The following GABRR3 variants were observed in gnomAD, a reference collection of about 807,000 sequenced individuals.
GABRR3 encodes the protein gamma-aminobutyric acid receptor subunit rho-3.
GABRR3 carries 29 observed loss-of-function variants against 43.2 expected under a neutral mutation model. That is an observed-to-expected ratio of 0.67 (90% CI 0.50 to 0.92). GABRR3 has a LOEUF of 0.92. Among genes scored for constraint, GABRR3 ranks in the 40% least tolerant of loss-of-function variants. The pLI is 0.00. For missense variants in GABRR3, 576 were observed against 572.3 expected, an observed-to-expected ratio of 1.01 and a Z score of -0.07; for synonymous variants, 206 against 195.9, an observed-to-expected ratio of 1.05 and a Z score of -0.43.
chr3:98,030,384 T>G (rs1017707351), intron 2 of GABRR3, among the ~76,000 whole-genome samples: 2 of 152,146 alleles, frequency 1.3e-5, no homozygotes, highest in Non-Finnish European at 2.9e-5. Context: ...TTAATTCAAA[T>G]TAATAATATG....
At chr3:97,999,294 G>A (rs1006475399) in intron 8 of GABRR3, 3 of 152,106 alleles carry the variant, frequency 2.0e-5, no homozygotes, top group African/African-American at 7.2e-5. Context: ...AGATTTAAAA[G>A]TGAGGATATT....
chr3:98,012,345 T>G, exon 5 of GABRR3: 31 of 1,611,632 alleles, frequency 1.9e-5, no homozygotes, highest in Middle Eastern at 1.7e-4. Flanking sequence ...TTTCCTTACC[T>G]GAGACTTAGG....
chr3:98,010,871 G>A (rs1004862993), intron 5 of GABRR3, among the ~76,000 whole-genome samples: 17 of 152,146 alleles, frequency 1.1e-4, no homozygotes, highest in African/African-American at 3.9e-4. Context: ...GGGCCGAGGC[G>A]GGCAGATCAT....
intron 8 of GABRR3, 125 bp from the exon 9 acceptor site, chr3:97,993,173 G>T (rs918657854): frequency 3.1e-6 from 2 of 641,776 alleles, no homozygotes; most frequent in Admixed American, 3.4e-5. Flanking sequence ...AGGAGGGAAG[G>T]TGTGTGCATG....
At chr3:98,026,118 C>A (rs1386934022) in intron 2 of GABRR3, among the ~76,000 whole-genome samples, 1 of 152,158 alleles carries the variant, frequency 6.6e-6, no homozygotes. Flanking sequence ...GCTGAACAAT[C>A]TCTGCACGAA....
At chr3:98,029,789 G>C (rs114602619) in intron 2 of GABRR3, among the ~76,000 whole-genome samples, 1 of 152,022 alleles carries the variant, frequency 6.6e-6, no homozygotes, top group Non-Finnish European at 1.5e-5. Flanking sequence ...ATTAGCAAAA[G>C]ACAAAAAATA....
chr3:98,019,051 A>G (rs1323344362), intron 3 of GABRR3, among the ~76,000 whole-genome samples: 1 of 151,918 alleles, frequency 6.6e-6, no homozygotes, highest in Non-Finnish European at 1.5e-5. Flanking sequence ...CAGGGGCTGC[A>G]GTGAGCTGAG....
chr3:98,022,055 C>A (rs760514374), intron 3 of GABRR3, among the ~76,000 whole-genome samples: 5 of 152,100 alleles, frequency 3.3e-5, no homozygotes, highest in Non-Finnish European at 5.9e-5. Context: ...CAGTATAGTC[C>A]TCTCCTTTGA....
At chr3:98,009,668 G>T (rs1706763993) in intron 5 of GABRR3, among the ~76,000 whole-genome samples, 1 of 152,140 alleles carries the variant, frequency 6.6e-6, no homozygotes, top group South Asian at 2.1e-4. Context: ...GCTGTACTAT[G>T]ATCTTGCCTC....
chr3:98,005,983 C>T lies in GABRR3; in HGVS notation c.754+1781G>A, dbSNP rs139300606. Among the ~76,000 whole-genome samples, 10 of 152,032 alleles carry T rather than the reference C, an allele frequency of 6.6e-5. No homozygotes were observed. The East Asian group carries it at 1.9e-3, about 29-fold the overall frequency. On this transcript the variant is annotated intron_variant, in intron 7 of 9. Transcript: ENST00000621172. The stretch of plus-strand genomic sequence containing the variant: ...AACACATCCTATAAATTATACTTCA[C>T]ATATACCATGCTTCATTGCATACAT...
rs184230596 is a variant in GABRR3, at chr3:98,021,363, T to G, written c.239-3641A>C. On this transcript the variant is annotated intron_variant, in intron 3 of 9. Coordinates refer to ENST00000621172, the Ensembl canonical transcript of GABRR3. Reference sequence around the variant, plus strand: ...TACAAAAAAGGAGCTGAGTCACAGATAGAAGGTGGCAATAAAGCATATGGA... The same window carrying G: ...TACAAAAAAGGAGCTGAGTCACAGAGAGAAGGTGGCAATAAAGCATATGGA... 4.5e-3 allele frequency among the ~76,000 whole-genome samples: 683 copies of G among 152,300 alleles called. 6 individuals are homozygous for G. Among genetic ancestry groups the G allele is most frequent in the African/African-American group, 0.016 (648 of 41,570 alleles).
exon 7 of GABRR3, chr3:98,007,774 A>G (rs1706740369): frequency 1.2e-6 from 2 of 1,613,702 alleles, no homozygotes; most frequent in Non-Finnish European, 1.7e-6. Context: ...CTGTGCTGCT[A>G]TAGAAAGCTA....
chr3:98,017,656 A>G (rs1359049630), exon 4 of GABRR3: 2 of 1,606,808 alleles, frequency 1.2e-6, no homozygotes, highest in East Asian at 2.2e-5. Flanking sequence ...GAAACTTACC[A>G]TGTTAGTCTC....
chr3:98,001,678 C>T (rs1421738328), exon 8 of GABRR3: 1 of 1,613,210 alleles, frequency 6.2e-7, no homozygotes, highest in East Asian at 2.2e-5. Flanking sequence ...GAAAGCATCA[C>T]CATCAATATG....
At chr3:97,991,887 G>T (rs1706473527) in intron 9 of GABRR3, among the ~76,000 whole-genome samples, 1 of 152,114 alleles carries the variant, frequency 6.6e-6, no homozygotes, top group Non-Finnish European at 1.5e-5. Context: ...TTTCATTGAA[G>T]TTATGGGTAT....
intron 8 of GABRR3, among the ~76,000 whole-genome samples, chr3:97,996,339 G>A (rs937231623): frequency 2.0e-5 from 3 of 152,152 alleles, no homozygotes; most frequent in African/African-American, 7.2e-5. Context: ...ACCAGAAACT[G>A]ACAACCATTT....
chr3:98,025,469 G>T, intron 3 of GABRR3, 98 bp downstream of exon 3: 1 of 708,084 alleles, frequency 1.4e-6, no homozygotes, highest in East Asian at 2.8e-5. Context: ...GTTTTAAACT[G>T]ATGGACTTTA....
chr3:97,992,862 T>C, exon 9 of GABRR3: 1 of 1,608,022 alleles, frequency 6.2e-7, no homozygotes, highest in Non-Finnish European at 8.5e-7. Flanking sequence ...CTTTCCTGTC[T>C]TCTTGAATTG....
At chr3:98,031,041 C>T (rs1357866822) in intron 2 of GABRR3, among the ~76,000 whole-genome samples, 2 of 152,068 alleles carry the variant, frequency 1.3e-5, no homozygotes, top group Non-Finnish European at 2.9e-5. Flanking sequence ...TTAGAGAAAA[C>T]GTGGTACATC....
Sources: gnomAD v4.1 joint callset for allele counts (sites outside exome capture counted in the v4.1 genomes callset) on GRCh38, gnomAD v4.1.1 for gene constraint, MANE v1.5 for transcripts, NCBI Gene and HGNC (gene_info 2026-07-23, HGNC 2026-07-21) for gene names.